FOXP4: variants seen among roughly 807,000 people sequenced by gnomAD.
FOXP4 encodes the protein forkhead box P4, also known as forkhead box protein P4.
FOXP4 carries 25 observed loss-of-function variants against 82.6 expected under a neutral mutation model. The ratio of observed to expected loss-of-function variants is 0.30; its 90% CI spans 0.22 to 0.42. FOXP4 has a LOEUF of 0.42. Among genes scored for constraint, FOXP4 ranks in the 10% least tolerant of loss-of-function variants. FOXP4 has a pLI of 1.00. For missense variants in FOXP4, 785 were observed against 900.9 expected (o/e 0.87, Z 1.65); for synonymous variants, 415 against 388.2 (o/e 1.07, Z -0.81).
At chr6:41,572,405 C>T (rs1765253368) in intron 2 of FOXP4, among the ~76,000 whole-genome samples, 1 of 152,158 alleles carries the variant, frequency 6.6e-6, no homozygotes, top group South Asian at 2.1e-4. Flanking sequence ...GAACGTGAGC[C>T]CCGTTAAAGA....
At chr6:41,555,956 ATTG>A (rs1764252423) in intron 1 of FOXP4, among the ~76,000 whole-genome samples, 1 of 151,530 alleles carries the variant, frequency 6.6e-6, no homozygotes, top group South Asian at 2.1e-4. Context: ...TTCCCCCTGT[ATTG>A]TTAATTCTTT....
chr6:41,560,927 A>C (rs1377615008), intron 1 of FOXP4, among the ~76,000 whole-genome samples: 1 of 152,016 alleles, frequency 6.6e-6, no homozygotes, highest in African/African-American at 2.4e-5. Context: ...CCACAAAAGC[A>C]CCCCAGCCCG....
chr6:41,576,677 C>T (rs1307045556), intron 2 of FOXP4, among the ~76,000 whole-genome samples: 1 of 152,096 alleles, frequency 6.6e-6, no homozygotes, highest in Non-Finnish European at 1.5e-5. Context: ...GAATACTTCC[C>T]GAATGCCAAC....
chr6:41,557,651 T>C (rs1489759206), intron 1 of FOXP4, among the ~76,000 whole-genome samples: 1 of 152,180 alleles, frequency 6.6e-6, no homozygotes, highest in Non-Finnish European at 1.5e-5. Context: ...ATTGAAACCA[T>C]GTATAGATTA....
intron 10 of FOXP4, 22 bp downstream of exon 10, chr6:41,589,876 G>A (rs183869925): frequency 1.2e-4 from 164 of 1,318,790 alleles, no homozygotes; most frequent in Middle Eastern, 4.1e-4. Flanking sequence ...TCCCCTCCCC[G>A]CCCCTCCCAG....
intron 1 of FOXP4, chr6:41,548,626 A>AG (rs1299998864): frequency 6.6e-6 from 1 of 152,412 alleles, no homozygotes; most frequent in East Asian, 1.9e-4. Flanking sequence ...CCAGGGCTGA[A>AG]GGGCCCCCTG....
At chr6:41,587,204 G>C in intron 6 of FOXP4, 48 bp downstream of exon 6, 2 of 1,609,194 alleles carry the variant, frequency 1.2e-6, no homozygotes, top group Non-Finnish European at 1.7e-6. Flanking sequence ...CCACAGCCCT[G>C]CCTGTACGCA....
chr6:41,578,600 T>G (rs1159348939), intron 3 of FOXP4, among the ~76,000 whole-genome samples: 1 of 151,466 alleles, frequency 6.6e-6, no homozygotes, highest in Non-Finnish European at 1.5e-5. Context: ...TCTCTTGATG[T>G]CTCTCTGTCT....
chr6:41,598,195 T>C (rs1275905116), intron 16 of FOXP4, among the ~76,000 whole-genome samples: 1 of 149,564 alleles, frequency 6.7e-6, no homozygotes, highest in African/African-American at 2.5e-5. Context: ...CCCTTTCTTA[T>C]TTTTCCTCCT....
chr6:41,557,462 G>C (rs1347306614), intron 1 of FOXP4, among the ~76,000 whole-genome samples: 1 of 152,154 alleles, frequency 6.6e-6, no homozygotes, highest in East Asian at 1.9e-4. Context: ...ATTTACTGCA[G>C]AGTCATAGTA....
chr6:41,587,478 G>A lies in FOXP4; in HGVS notation c.838G>A (p.Gly280Arg), dbSNP rs1198047124. Residue 280 changes from glycine to arginine, a missense_variant, in exon 7 of 17, where the codon GGA becomes AGA. Physicochemically the swap from Gly to Arg is moderately radical, Grantham distance 125. Around this residue, in one of 3 missense-constraint regions of FOXP4, gnomAD observed 570 missense variants for 634.0 expected, o/e 0.90. Transcript: ENST00000307972. ...CCTCTCCCACCATACCCTGCCCAAC[G>A]GACAGCCTACTGTGCTCACATCTCG... Reference protein sequence around the residue: ...PPLSHHTLPNGQPTVLTSRRD... With the variant: ...PPLSHHTLPNRQPTVLTSRRD... 1 of 1,538,816 alleles carries A rather than the reference G, an allele frequency of 6.5e-7. No homozygotes were observed. The highest frequency in any genetic ancestry group is 1.4e-5 in the African/African-American group (1 of 72,760).
chr6:41,576,402 G>A (rs1414721258), intron 2 of FOXP4, among the ~76,000 whole-genome samples: 1 of 152,244 alleles, frequency 6.6e-6, no homozygotes, highest in East Asian at 1.9e-4. Context: ...GGTACACAGT[G>A]GTCACTCTCT....
intron 1 of FOXP4, among the ~76,000 whole-genome samples, chr6:41,548,983 CTG>C (rs1350581724): frequency 6.6e-6 from 1 of 152,112 alleles, no homozygotes; most frequent in Non-Finnish European, 1.5e-5. Context: ...ACTCAAAAAA[CTG>C]TGAGTTGGGG....
chr6:41,575,118 A>G (rs1249677122), intron 2 of FOXP4, among the ~76,000 whole-genome samples: 1 of 152,008 alleles, frequency 6.6e-6, no homozygotes, highest in Non-Finnish European at 1.5e-5. Flanking sequence ...GCGGGCTCCC[A>G]CCACCACGCC....
chr6:41,585,983 C>A (rs534210814), intron 5 of FOXP4, among the ~76,000 whole-genome samples: 21 of 152,036 alleles, frequency 1.4e-4, no homozygotes, highest in Non-Finnish European at 2.5e-4. Flanking sequence ...GCCCAGCCAC[C>A]CCTCGGTCTC....
chr6:41,589,101 C>A (rs932273374), intron 9 of FOXP4, among the ~76,000 whole-genome samples: 1 of 152,222 alleles, frequency 6.6e-6, no homozygotes, highest in Non-Finnish European at 1.5e-5. Flanking sequence ...ATTATTCTCC[C>A]CATTTTCCAG....
At chr6:41,589,674 C>T (rs545318941) in intron 9 of FOXP4, 97 bp from the exon 10 acceptor site, 14 of 1,249,886 alleles carry the variant, frequency 1.1e-5, no homozygotes, top group East Asian at 9.7e-5. Flanking sequence ...GGGTGGGAAT[C>T]GGCGGCCTTC....
intron 1 of FOXP4, among the ~76,000 whole-genome samples, chr6:41,550,898 C>A (rs1293822949): frequency 1.3e-5 from 2 of 152,150 alleles, no homozygotes; most frequent in African/African-American, 4.8e-5. Context: ...GAAACCCTAG[C>A]CTACACGTCC....
In FOXP4 at chr6:41,597,260, C is replaced by T. The variant is rs934122762; in HGVS notation, c.1725+18C>T. 12 of 1,613,318 alleles carry T rather than the reference C, an allele frequency of 7.4e-6. No individual in the cohort carries two copies. Among genetic ancestry groups the T allele is most frequent in the Non-Finnish European group, 1.0e-5 (12 of 1,179,478 alleles). Reference sequence around the variant, plus strand: ...GCTACCAGGTGACCTGCCCAGAGCCCACCCACTCACCTCTACCTCCCGCCC... The same window carrying T: ...GCTACCAGGTGACCTGCCCAGAGCCTACCCACTCACCTCTACCTCCCGCCC... On this transcript the variant is annotated intron_variant, in intron 15 of 16. Coordinates refer to ENST00000307972, the MANE Select transcript of FOXP4 (RefSeq NM_001012426.2).
Sources: gnomAD v4.1 joint callset for allele counts (sites outside exome capture counted in the v4.1 genomes callset) on GRCh38, gnomAD v4.1.1 for gene constraint, gnomAD v4.1.1 regional missense constraint, MANE v1.5 for transcripts, NCBI Gene and HGNC (gene_info 2026-07-23, HGNC 2026-07-21) for gene names.